The following RPA3 variants were observed in gnomAD, a reference collection of about 807,000 sequenced individuals.
RPA3 encodes replication protein A3.
Under a neutral mutation model 13.7 loss-of-function variants are expected in RPA3, and 24 were observed. That is an observed-to-expected ratio of 1.75 (90% CI 1.27 to 2.46). The LOEUF (loss-of-function observed/expected upper bound fraction) is 2.46. Ranked by LOEUF, RPA3 falls within the 30% of genes most tolerant of loss-of-function variation. RPA3 has a pLI of 0.00. For missense variants in RPA3, 183 were observed against 151.0 expected, an observed-to-expected ratio of 1.21 and a Z score of -1.11; for synonymous variants, 59 against 51.2, an observed-to-expected ratio of 1.15 and a Z score of -0.65.
chr7:7,710,914 G>A (rs1312993900), intron 2 of RPA3, among the ~76,000 whole-genome samples: 1 of 152,172 alleles, frequency 6.6e-6, no homozygotes, highest in African/African-American at 2.4e-5. Flanking sequence ...AGAGAATTAT[G>A]CTGAGTGAAA....
rs143454521 is a variant in RPA3, at chr7:7,639,070, G to A, written c.174C>T (p.Pro58=). The change falls in exon 6 of 8, where the codon CCC becomes CCT. Residue 58 remains proline (P), a splice_region_variant and synonymous_variant. Coordinates refer to ENST00000223129, the MANE Select transcript of RPA3 (RefSeq NM_002947.5). ...GAGACTTATTAACACTTAAACATAC[G>A]GGTTCCATCAACTCGATGGTTCCAT... ...GKNGTIELME[P]LDEEISGIVE... 2.5e-6 allele frequency: 4 copies of A among 1,607,620 alleles called. No homozygotes were observed. Among genetic ancestry groups the A allele is most frequent in the Non-Finnish European group, 3.4e-6 (4 of 1,176,420 alleles).
chr7:7,639,077 A>G lies in RPA3; in HGVS notation c.167T>C (p.Met56Thr). 1 of 1,611,604 alleles carries G rather than the reference A, an allele frequency of 6.2e-7. No individual in the cohort carries two copies. Among genetic ancestry groups the G allele is most frequent in the Non-Finnish European group, 8.5e-7 (1 of 1,178,766 alleles). Residue 56 changes from methionine to threonine, a missense_variant, in exon 6 of 8, where the codon ATG becomes ACG. Met to Thr is a moderately conservative substitution (Grantham distance 81). Coordinates refer to ENST00000223129, the MANE Select transcript of RPA3 (RefSeq NM_002947.5). ...GEGKNGTIEL[M>T]EPLDEEISGI... Reference sequence around the variant, plus strand: ...ATTAACACTTAAACATACGGGTTCCATCAACTCGATGGTTCCATTTTTTCC... The same window carrying G: ...ATTAACACTTAAACATACGGGTTCCGTCAACTCGATGGTTCCATTTTTTCC...
At chr7:7,682,806 G>C (rs2115124387) in intron 4 of RPA3, among the ~76,000 whole-genome samples, 1 of 152,232 alleles carries the variant, frequency 6.6e-6, no homozygotes, top group African/African-American at 2.4e-5. Flanking sequence ...TTTTACTTTT[G>C]ACCTTTAAAT....
intron 1 of RPA3, among the ~76,000 whole-genome samples, chr7:7,715,959 CAT>C (rs1780891858): frequency 1.3e-5 from 2 of 152,170 alleles, no homozygotes; most frequent in South Asian, 2.1e-4. Context: ...TAGTATAAAA[CAT>C]AGTTTGTTGC....
chr7:7,661,477 C>G (rs1279083386), intron 4 of RPA3, among the ~76,000 whole-genome samples: 1 of 152,128 alleles, frequency 6.6e-6, no homozygotes, highest in African/African-American at 2.4e-5. Context: ...TGCTGGTGAC[C>G]TTTCAGTGGG....
At chr7:7,681,153 T>C (rs765486989) in intron 4 of RPA3, among the ~76,000 whole-genome samples, 1 of 152,206 alleles carries the variant, frequency 6.6e-6, no homozygotes, top group Non-Finnish European at 1.5e-5. Context: ...ATTTGTTAGA[T>C]TATCTCCTTA....
At chr7:7,692,871 G>T (rs28912718) in intron 2 of RPA3, among the ~76,000 whole-genome samples, 1 of 152,186 alleles carries the variant, frequency 6.6e-6, no homozygotes, top group East Asian at 1.9e-4. Context: ...CTTCCCACAG[G>T]GCTGGGATTA....
At chr7:7,648,241 C>T (rs1476016055) in intron 4 of RPA3, among the ~76,000 whole-genome samples, 1 of 152,230 alleles carries the variant, frequency 6.6e-6, no homozygotes, top group Admixed American at 6.5e-5. Context: ...TAAGAGAGCA[C>T]TAGCGTTTGA....
chr7:7,718,488 A>C (rs563355938), intron 1 of RPA3, 27 bp downstream of exon 1: 6 of 152,348 alleles, frequency 3.9e-5, no homozygotes, highest in African/African-American at 1.4e-4. Context: ...AAAACTATGT[A>C]TCCAACAAAT....
At chr7:7,677,027 G>A (rs1459660547) in intron 4 of RPA3, among the ~76,000 whole-genome samples, 1 of 151,944 alleles carries the variant, frequency 6.6e-6, no homozygotes, top group Non-Finnish European at 1.5e-5. Flanking sequence ...TAGATCAAAT[G>A]GTAAATAGAA....
chr7:7,639,595 T>A (rs1480737975), intron 5 of RPA3, among the ~76,000 whole-genome samples: 3 of 152,166 alleles, frequency 2.0e-5, no homozygotes, highest in Non-Finnish European at 4.4e-5. Flanking sequence ...CGCTGTCAGA[T>A]TGCGTTTGAA....
At chr7:7,708,003 C>G (rs775721627) in intron 2 of RPA3, among the ~76,000 whole-genome samples, 3 of 152,140 alleles carry the variant, frequency 2.0e-5, no homozygotes, top group Non-Finnish European at 4.4e-5. Context: ...TAATGCGGCT[C>G]CTCCTGAATC....
rs905026138 is a variant in RPA3 at position 7,698,831 on chromosome 7, C to G, written c.-1027-11503G>C. Reference sequence around the variant, plus strand: ...AGCCAAAAACCAGACCATGACATTTCTGGCTGTGGATTTCGTTTCCACCAA... The same window carrying G: ...AGCCAAAAACCAGACCATGACATTTGTGGCTGTGGATTTCGTTTCCACCAA... On this transcript the variant is annotated intron_variant, in intron 2 of 7. Transcript: ENST00000223129. Among the ~76,000 whole-genome samples the G allele has an allele frequency of 5.7e-4, 86 of 150,574 alleles. 2 individuals are homozygous for G. Among genetic ancestry groups the G allele is most frequent in the Admixed American group, 2.0e-4 (3 of 15,072 alleles).
chr7:7,696,837 C>T (rs1322644570), intron 2 of RPA3, among the ~76,000 whole-genome samples: 1 of 151,420 alleles, frequency 6.6e-6, no homozygotes, highest in African/African-American at 2.4e-5. Flanking sequence ...TTTCTTTCTT[C>T]TTCTTTTTTT....
In RPA3 at chr7:7,639,038, T is replaced by C. The variant is rs28916302; in HGVS notation, c.174+32A>G. The C allele has an allele frequency of 1.1e-3, 1,714 of 1,499,200 alleles. 17 individuals carry two copies. In the African/African-American group the frequency reaches 0.019, roughly 17 times the overall value. The allele number at this position is 1,499,200 out of a possible 1,614,324, so 92.9% of individuals were successfully genotyped here. A position where few individuals can be genotyped will look rare whatever the true frequency, so the allele number is the denominator to read the frequency against. On this transcript the variant is annotated intron_variant, in intron 6 of 7. Coordinates refer to ENST00000223129, the MANE Select transcript of RPA3 (RefSeq NM_002947.5). ...AATCAAGATGAAGAATTAACTATAATATATAAGAGACTTATTAACACTTAA... is the reference window on the plus strand; with the variant it reads ...AATCAAGATGAAGAATTAACTATAACATATAAGAGACTTATTAACACTTAA...
At chr7:7,699,764 A>G (rs965534887) in intron 2 of RPA3, among the ~76,000 whole-genome samples, 1 of 152,250 alleles carries the variant, frequency 6.6e-6, no homozygotes, top group Non-Finnish European at 1.5e-5. Flanking sequence ...TAGTGCTCAT[A>G]TAATGCCTTA....
In RPA3 at chr7:7,674,930, T is replaced by A. The variant is rs1482881909; in HGVS notation, c.-758+10900A>T. On this transcript the variant is annotated intron_variant, in intron 4 of 7. Transcript: ENST00000223129. ...CTCTTGTTTTCCACTCTGTTATATA[T>A]TCCTGATTTTAAAATACCTCTGAAG... 2.0e-5 allele frequency among the ~76,000 whole-genome samples: 3 copies of A among 152,146 alleles called. No homozygotes were observed. In the East Asian group the frequency reaches 5.8e-4, roughly 29 times the overall value.
chr7:7,708,002 T>TC (rs1780648475), intron 2 of RPA3, among the ~76,000 whole-genome samples: 1 of 152,202 alleles, frequency 6.6e-6, no homozygotes, highest in African/African-American at 2.4e-5. Context: ...TTAATGCGGC[T>TC]CCTCCTGAAT....
At chr7:7,656,645 C>G (rs1346023224) in intron 4 of RPA3, among the ~76,000 whole-genome samples, 1 of 152,184 alleles carries the variant, frequency 6.6e-6, no homozygotes. Flanking sequence ...AGGATATGAA[C>G]TCATTCTTTT....
Sources: gnomAD v4.1 joint callset for allele counts (sites outside exome capture counted in the v4.1 genomes callset) on GRCh38, gnomAD v4.1.1 for gene constraint, MANE v1.5 for transcripts, NCBI Gene and HGNC (gene_info 2026-07-23, HGNC 2026-07-21) for gene names.